The following FSTL4 variants were observed in gnomAD, a reference collection of about 807,000 sequenced individuals.
FSTL4 encodes the protein follistatin-related protein 4.
A neutral mutation model predicts 78.2 loss-of-function variants in FSTL4; 28 were observed. The ratio of observed to expected loss-of-function variants is 0.36; its 90% CI spans 0.27 to 0.49. The LOEUF is 0.49. Ranked by LOEUF, FSTL4 falls within the 20% of genes least tolerant of loss-of-function variation. The pLI, the probability that FSTL4 is intolerant of heterozygous loss-of-function variation, is 0.98. For missense variants in FSTL4, 922 were observed against 1,084.9 expected, an observed-to-expected ratio of 0.85 and a Z score of 2.11; for synonymous variants, 422 against 440.5, an observed-to-expected ratio of 0.96 and a Z score of 0.53.
At chr5:133,631,400 CTCA>C in the FSTL4 span, among the ~76,000 whole-genome samples, 1 of 152,026 alleles carries the variant, frequency 6.6e-6, no homozygotes, top group Non-Finnish European at 1.5e-5. Context: ...TGAAAAAAAG[CTCA>C]TCATCACTCG....
At chr5:133,241,807 A>G (rs1222222011) in intron 7 of FSTL4, among the ~76,000 whole-genome samples, 7 of 152,232 alleles carry the variant, frequency 4.6e-5, no homozygotes, top group African/African-American at 1.7e-4. Context: ...CTGAATCCCC[A>G]GGCTGAGAAG....
At chr5:133,716,872 A>G in the FSTL4 span, among the ~76,000 whole-genome samples, 1 of 152,228 alleles carries the variant, frequency 6.6e-6, no homozygotes, top group African/African-American at 2.4e-5. Flanking sequence ...TAGACACAAC[A>G]TTTCTTAAAT....
intron 7 of FSTL4, 128 bp from the exon 8 acceptor site, chr5:133,233,665 G>T: frequency 1.7e-6 from 2 of 1,182,654 alleles, no homozygotes; most frequent in Non-Finnish European, 2.4e-6. Context: ...CCCTTGCTCA[G>T]CCAGAGCTGT....
chr5:133,213,823 T>G (rs1309256434), intron 13 of FSTL4, among the ~76,000 whole-genome samples: 1 of 152,126 alleles, frequency 6.6e-6, no homozygotes, highest in Non-Finnish European at 1.5e-5. Context: ...GATGATTAAA[T>G]TAGATAAAAA....
chr5:133,699,114 A>G, the FSTL4 span, among the ~76,000 whole-genome samples: 1 of 152,154 alleles, frequency 6.6e-6, no homozygotes, highest in African/African-American at 2.4e-5. Flanking sequence ...CCCTCTCACC[A>G]GCCCCTCCTT....
chr5:133,270,488 G>A (rs951640479), intron 6 of FSTL4, among the ~76,000 whole-genome samples: 6 of 152,196 alleles, frequency 3.9e-5, no homozygotes, highest in Admixed American at 2.6e-4. Context: ...CTGAAACGGC[G>A]TGGCAGCTGA....
intron 3 of FSTL4, among the ~76,000 whole-genome samples, chr5:133,534,283 A>G (rs1759309985): frequency 6.6e-6 from 1 of 152,170 alleles, no homozygotes; most frequent in Admixed American, 6.5e-5. Flanking sequence ...TGAGTTTAAG[A>G]AAAGGTCAGT....
intron 7 of FSTL4, among the ~76,000 whole-genome samples, chr5:133,238,575 C>A (rs918292436): frequency 6.6e-6 from 1 of 151,564 alleles, no homozygotes; most frequent in African/African-American, 2.4e-5. Flanking sequence ...GCAGTACATG[C>A]GAGTGTGCAC....
intron 6 of FSTL4, among the ~76,000 whole-genome samples, chr5:133,249,836 C>T (rs17681747): frequency 0.16 from 24,870 of 152,284 alleles, 2,542 homozygotes; most frequent in South Asian, 0.27. Context: ...TGAGGACAAT[C>T]TGGGCCATAG....
chr5:133,372,626 G>A (rs1054109792), intron 4 of FSTL4, among the ~76,000 whole-genome samples: 2 of 152,200 alleles, frequency 1.3e-5, no homozygotes, highest in South Asian at 2.1e-4. Context: ...AAACCAGCCC[G>A]ATGAAAGAGA....
At chr5:133,828,282 T>TA in the FSTL4 span, among the ~76,000 whole-genome samples, 1 of 152,200 alleles carries the variant, frequency 6.6e-6, no homozygotes, top group African/African-American at 2.4e-5. Context: ...ATAAAAATTC[T>TA]AAGTACATAT....
chr5:133,200,459 C>T (rs576394559), intron 15 of FSTL4, among the ~76,000 whole-genome samples: 11 of 152,364 alleles, frequency 7.2e-5, no homozygotes, highest in Non-Finnish European at 1.5e-4. Flanking sequence ...CGGCACACTG[C>T]CCTGCTAGCT....
chr5:133,545,717 G>A (rs1027413325), intron 3 of FSTL4, among the ~76,000 whole-genome samples: 14 of 152,170 alleles, frequency 9.2e-5, no homozygotes, highest in Admixed American at 6.5e-5. Context: ...TTTGTGAATT[G>A]TTCCAAAATT....
chr5:133,702,281 A>G, the FSTL4 span, among the ~76,000 whole-genome samples: 76 of 152,334 alleles, frequency 5.0e-4, 1 homozygote, highest in African/African-American at 1.7e-3. Flanking sequence ...CCTAGTATCA[A>G]TCCTAGACTC....
the FSTL4 span, among the ~76,000 whole-genome samples, chr5:133,816,292 C>T: frequency 6.6e-6 from 1 of 152,204 alleles, no homozygotes; most frequent in Admixed American, 6.5e-5. Context: ...TCCAGCTCTC[C>T]AGGACCACCT....
intron 4 of FSTL4, among the ~76,000 whole-genome samples, chr5:133,399,116 C>G (rs1756153681): frequency 6.6e-6 from 1 of 152,142 alleles, no homozygotes; most frequent in Non-Finnish European, 1.5e-5. Context: ...GGTGTGCACA[C>G]TCTGATGCAG....
chr5:133,794,559 A>G, the FSTL4 span, among the ~76,000 whole-genome samples: 1 of 152,178 alleles, frequency 6.6e-6, no homozygotes, highest in South Asian at 2.1e-4. Flanking sequence ...AATTTCTCTC[A>G]CTGGGAATCA....
chr5:133,263,067 A>C (rs568219099), intron 6 of FSTL4, among the ~76,000 whole-genome samples: 1 of 152,244 alleles, frequency 6.6e-6, no homozygotes, highest in Admixed American at 6.5e-5. Context: ...GCTTGACTGG[A>C]TGGGGAGATT....
chr5:133,766,672 A>C, the FSTL4 span, among the ~76,000 whole-genome samples: 4 of 152,216 alleles, frequency 2.6e-5, no homozygotes, highest in Non-Finnish European at 5.9e-5. Context: ...GTGACCTGGA[A>C]GAGCTGGGTG....
Sources: gnomAD v4.1 joint callset for allele counts (sites outside exome capture counted in the v4.1 genomes callset) on GRCh38, gnomAD v4.1.1 for gene constraint, MANE v1.5 for transcripts, NCBI Gene and HGNC (gene_info 2026-07-23, HGNC 2026-07-21) for gene names.